The following TTC7B variants were observed in gnomAD, a reference collection of about 807,000 sequenced individuals.
TTC7B encodes tetratricopeptide repeat protein 7B.
Under a neutral mutation model 106.8 loss-of-function variants are expected in TTC7B, and 28 were observed. That is an observed-to-expected ratio of 0.26 (90% CI 0.19 to 0.36). The LOEUF is 0.36. TTC7B is among the 10% of genes least tolerant of loss of function. TTC7B has a pLI of 1.00. For missense variants in TTC7B, 862 were observed against 1,076.4 expected (o/e 0.80, Z 2.79); for synonymous variants, 405 against 430.6 (o/e 0.94, Z 0.74).
At chr14:90,566,564 A>G (rs1028156187) in intron 19 of TTC7B, among the ~76,000 whole-genome samples, 3 of 152,174 alleles carry the variant, frequency 2.0e-5, no homozygotes, top group Non-Finnish European at 4.4e-5. Flanking sequence ...TGAAAACACT[A>G]ACACCTGGAA....
intron 19 of TTC7B, among the ~76,000 whole-genome samples, chr14:90,544,175 G>A (rs1420135752): frequency 6.6e-6 from 1 of 152,258 alleles, no homozygotes; most frequent in East Asian, 1.9e-4. Flanking sequence ...CGGAGGCCAC[G>A]CTGCCTCAGG....
At chr14:90,730,295 C>G (rs1159939743) in intron 4 of TTC7B, 99 bp from the exon 5 acceptor site, 4 of 1,403,012 alleles carry the variant, frequency 2.9e-6, no homozygotes, top group Non-Finnish European at 3.8e-6. Context: ...AAAAAACCAA[C>G]TTCCTCAGGC....
intron 6 of TTC7B, among the ~76,000 whole-genome samples, chr14:90,691,275 C>T (rs905866485): frequency 8.5e-5 from 13 of 152,140 alleles, no homozygotes; most frequent in African/African-American, 2.9e-4. Flanking sequence ...AAACAGTTTG[C>T]TTGTTCACTA....
chr14:90,734,017 T>C (rs1889424689), intron 4 of TTC7B, among the ~76,000 whole-genome samples: 1 of 152,216 alleles, frequency 6.6e-6, no homozygotes, highest in Admixed American at 6.5e-5. Flanking sequence ...TGGAGCTATA[T>C]TAAAGAGTTA....
At chr14:90,580,615 G>C (rs1470094360) in intron 18 of TTC7B, among the ~76,000 whole-genome samples, 1 of 152,332 alleles carries the variant, frequency 6.6e-6, no homozygotes, top group Non-Finnish European at 1.5e-5. Flanking sequence ...TGCTAGTGCT[G>C]CTTCTGCACA....
intron 2 of TTC7B, among the ~76,000 whole-genome samples, chr14:90,783,766 G>A (rs927263807): frequency 2.6e-5 from 4 of 152,006 alleles, no homozygotes; most frequent in Non-Finnish European, 5.9e-5. Flanking sequence ...GTAAAACCAC[G>A]TCTCTATTAA....
chr14:90,729,963 G>A lies in TTC7B; in HGVS notation c.698+112C>T, dbSNP rs1889263023. ...TTAAAAGAAAAAAAAAGTTCCAATGGTAGTTCATATTTAAAATTCCTTTAT... is the reference window on the plus strand; with the variant it reads ...TTAAAAGAAAAAAAAAGTTCCAATGATAGTTCATATTTAAAATTCCTTTAT... On this transcript the variant is annotated intron_variant, in intron 5 of 19. Transcript: ENST00000328459. 1.3e-5 allele frequency: 15 copies of A among 1,163,878 alleles called. No individual in the cohort carries two copies. In the East Asian group the frequency reaches 3.7e-4, roughly 29 times the overall value. 72.1% of individuals were successfully genotyped at this position (1,163,878 alleles called of 1,614,324 possible).
intron 19 of TTC7B, among the ~76,000 whole-genome samples, chr14:90,545,309 G>A (rs1889780387): frequency 6.6e-6 from 1 of 152,232 alleles, no homozygotes; most frequent in African/African-American, 2.4e-5. Context: ...CAAGCAACAG[G>A]AAAGGGGCGT....
chr14:90,611,941 C>G (rs1892892886), intron 16 of TTC7B, among the ~76,000 whole-genome samples: 1 of 152,132 alleles, frequency 6.6e-6, no homozygotes, highest in African/African-American at 2.4e-5. Context: ...CTTTTCCAAT[C>G]TGGGGGCTTT....
At chr14:90,765,107 T>C (rs1890630956) in intron 3 of TTC7B, among the ~76,000 whole-genome samples, 1 of 152,196 alleles carries the variant, frequency 6.6e-6, no homozygotes, top group Admixed American at 6.5e-5. Context: ...AAATGGTATA[T>C]CCATACAATG....
chr14:90,802,027 C>T lies in TTC7B; in HGVS notation c.121+14148G>A, dbSNP rs904697964. On this transcript the variant is annotated intron_variant, in intron 1 of 19. Coordinates refer to ENST00000328459, the MANE Select transcript of TTC7B (RefSeq NM_001010854.2). The surrounding 1 kb of genome is among the most constrained non-coding windows in gnomAD (Gnocchi z 4.7). ...AGTGAGCCAAGATCGTGCCATTGTA[C>T]TCCAGCCTGGACAACAAGAGCGAAA... 4.0e-5 allele frequency among the ~76,000 whole-genome samples: 6 copies of T among 150,876 alleles called. No homozygotes were observed. Among genetic ancestry groups the T allele is most frequent in the African/African-American group, 1.5e-4 (6 of 40,880 alleles).
At chr14:90,691,659 AT>A (rs1487974951) in intron 6 of TTC7B, among the ~76,000 whole-genome samples, 2 of 152,222 alleles carry the variant, frequency 1.3e-5, no homozygotes, top group Admixed American at 6.5e-5. Context: ...AAATTTGGTC[AT>A]TAAATGCCCT....
chr14:90,720,770 A>T (rs1200032091), intron 5 of TTC7B, among the ~76,000 whole-genome samples: 1 of 152,242 alleles, frequency 6.6e-6, no homozygotes, highest in Non-Finnish European at 1.5e-5. Flanking sequence ...AAGCTAAGGT[A>T]AGAAAAGAAA....
intron 12 of TTC7B, 83 bp downstream of exon 12, chr14:90,654,910 A>T: frequency 8.9e-7 from 1 of 1,121,670 alleles, no homozygotes; most frequent in Non-Finnish European, 1.3e-6. Flanking sequence ...CTGAGACAGA[A>T]GGGGACTGTG....
intron 3 of TTC7B, among the ~76,000 whole-genome samples, chr14:90,756,294 T>C (rs1487613498): frequency 1.3e-5 from 2 of 152,210 alleles, no homozygotes; most frequent in East Asian, 3.9e-4. Flanking sequence ...AGAACAGGAC[T>C]CTGCCCTTAA....
At chr14:90,629,194 A>G (rs1246789777) in intron 15 of TTC7B, among the ~76,000 whole-genome samples, 1 of 152,056 alleles carries the variant, frequency 6.6e-6, no homozygotes, top group Non-Finnish European at 1.5e-5. Context: ...GAATACTTAT[A>G]GGATAAATTT....
intron 19 of TTC7B, among the ~76,000 whole-genome samples, chr14:90,572,255 C>T (rs1280504920): frequency 1.3e-5 from 2 of 152,194 alleles, no homozygotes; most frequent in African/African-American, 4.8e-5. Context: ...AAAGAAAGCT[C>T]CGACTTCAGG....
chr14:90,815,220 G>A (rs118109893), intron 1 of TTC7B, among the ~76,000 whole-genome samples: 1 of 152,292 alleles, frequency 6.6e-6, no homozygotes, highest in Non-Finnish European at 1.5e-5. Flanking sequence ...GTGTGCTGGT[G>A]CCTGCGCTTT....
intron 3 of TTC7B, among the ~76,000 whole-genome samples, chr14:90,762,422 C>T (rs1362692094): frequency 1.3e-5 from 2 of 152,236 alleles, no homozygotes; most frequent in Non-Finnish European, 2.9e-5. Flanking sequence ...CAACTAACCC[C>T]CTTAACCAGT....
Sources: gnomAD v4.1 joint callset for allele counts (sites outside exome capture counted in the v4.1 genomes callset) on GRCh38, gnomAD v4.1.1 for gene constraint, Gnocchi (gnomAD v3.1) non-coding constraint, MANE v1.5 for transcripts, NCBI Gene and HGNC (gene_info 2026-07-23, HGNC 2026-07-21) for gene names.